The following SGCZ variants were observed in gnomAD, a reference collection of about 807,000 sequenced individuals.
SGCZ encodes the protein sarcoglycan zeta.
In SGCZ, 40 loss-of-function variants were observed where a neutral mutation model predicts 41.3. The ratio of observed to expected loss-of-function variants is 0.97; its 90% CI spans 0.75 to 1.26. The LOEUF (loss-of-function observed/expected upper bound fraction) is 1.26. Ranked by LOEUF, SGCZ falls within the 50% of genes most tolerant of loss-of-function variation. The pLI is 0.00. For missense variants in SGCZ, 552 were observed against 369.8 expected (o/e 1.49, Z -4.04); for synonymous variants, 206 against 137.5 (o/e 1.50, Z -3.49).
At chr8:14,733,646 A>C (rs1004672953) in intron 1 of SGCZ, among the ~76,000 whole-genome samples, 3 of 152,210 alleles carry the variant, frequency 2.0e-5, no homozygotes, top group African/African-American at 2.4e-5. Flanking sequence ...GAATCACTGC[A>C]CTTGTAATTA....
intron 5 of SGCZ, among the ~76,000 whole-genome samples, chr8:14,117,347 A>G (rs1453077822): frequency 3.6e-5 from 3 of 82,694 alleles, no homozygotes; most frequent in African/African-American, 1.2e-4. Context: ...AATATTTTCA[A>G]TAGGTAGTGT....
intron 1 of SGCZ, among the ~76,000 whole-genome samples, chr8:14,995,364 C>G (rs1020179365): frequency 1.3e-5 from 2 of 152,184 alleles, no homozygotes; most frequent in African/African-American, 2.4e-5. Context: ...GAAAGTAAAA[C>G]TCCATTAATG....
At chr8:15,135,983 G>T (rs1006492135) in intron 1 of SGCZ, among the ~76,000 whole-genome samples, 1 of 152,078 alleles carries the variant, frequency 6.6e-6, no homozygotes, top group Non-Finnish European at 1.5e-5. Flanking sequence ...TTTAAAAAAC[G>T]GTGGTAACTT....
intron 2 of SGCZ, among the ~76,000 whole-genome samples, chr8:14,552,216 C>T (rs1311763090): frequency 1.3e-5 from 2 of 152,010 alleles, no homozygotes; most frequent in East Asian, 3.9e-4. Flanking sequence ...AAGACGATTA[C>T]AAATTATTTC....
At chr8:15,155,550 G>A (rs368027328) in intron 1 of SGCZ, among the ~76,000 whole-genome samples, 5 of 152,062 alleles carry the variant, frequency 3.3e-5, no homozygotes, top group African/African-American at 9.7e-5. Context: ...CAATGTATAC[G>A]AAACCAGCCA....
chr8:14,573,914 T>C (rs889245395), intron 1 of SGCZ, among the ~76,000 whole-genome samples: 1 of 151,996 alleles, frequency 6.6e-6, no homozygotes, highest in Non-Finnish European at 1.5e-5. Context: ...CTTTAAGCCA[T>C]AGAAGGGAGC....
At chr8:14,702,754 TA>T (rs1400859134) in intron 1 of SGCZ, among the ~76,000 whole-genome samples, 1 of 130,084 alleles carries the variant, frequency 7.7e-6, no homozygotes, top group Non-Finnish European at 1.8e-5. Flanking sequence ...GATAGATAGA[TA>T]GATAGATAGA....
chr8:14,461,312 C>A (rs1800895651), intron 2 of SGCZ, among the ~76,000 whole-genome samples: 3 of 152,128 alleles, frequency 2.0e-5, no homozygotes, highest in African/African-American at 7.2e-5. Context: ...TTAGTTTTAG[C>A]ATTCTGTTCT....
At chr8:14,453,081 C>T (rs1800641660) in intron 2 of SGCZ, among the ~76,000 whole-genome samples, 2 of 152,008 alleles carry the variant, frequency 1.3e-5, no homozygotes, top group Admixed American at 6.6e-5. Flanking sequence ...GAACTCTAGC[C>T]TGGGTGACAG....
chr8:15,009,778 T>C (rs1802762376), intron 1 of SGCZ, among the ~76,000 whole-genome samples: 3 of 152,152 alleles, frequency 2.0e-5, no homozygotes, highest in African/African-American at 2.4e-5. Context: ...AACGCAAAAT[T>C]TGAATGACCT....
At chr8:14,899,937 C>G (rs1316033088) in intron 1 of SGCZ, among the ~76,000 whole-genome samples, 1 of 152,058 alleles carries the variant, frequency 6.6e-6, no homozygotes, top group East Asian at 1.9e-4. Flanking sequence ...AGCTGGTGAC[C>G]TGTACGTAGT....
intron 7 of SGCZ, 74 bp downstream of exon 7, chr8:14,102,302 T>C (rs1802054854): frequency 7.7e-7 from 1 of 1,299,612 alleles, no homozygotes; most frequent in African/African-American, 1.5e-5. Context: ...AAGTCAATTA[T>C]AAATAGGACA....
chr8:14,982,617 TTC>T (rs1039691181), intron 1 of SGCZ, among the ~76,000 whole-genome samples: 3 of 152,202 alleles, frequency 2.0e-5, no homozygotes, highest in African/African-American at 7.2e-5. Flanking sequence ...CCTATTTAAC[TTC>T]TGAGACTATT....
rs566042963 is a variant in SGCZ at position 15,131,372 on chromosome 8, T to C, written c.39+106213A>G. Among the ~76,000 whole-genome samples the C allele has an allele frequency of 3.9e-5, 6 of 152,324 alleles. No individual in the cohort carries two copies. The South Asian group carries it at 1.2e-3, about 32-fold the overall frequency. ...CTCTTGCCTGCCGCCATGTGAGACA[T>C]GCCTTTCACTTTCTACGATGATTGT... On this transcript the variant is annotated intron_variant, in intron 1 of 7. Coordinates refer to ENST00000382080, the MANE Select transcript of SGCZ (RefSeq NM_139167.4).
intron 1 of SGCZ, among the ~76,000 whole-genome samples, chr8:14,927,534 G>A (rs1056932070): frequency 7.5e-6 from 1 of 133,686 alleles, no homozygotes; most frequent in African/African-American, 2.6e-5. Flanking sequence ...GCAAGAAGAA[G>A]GAAGAGGAAG....
At chr8:14,423,605 A>G (rs778598680) in intron 2 of SGCZ, among the ~76,000 whole-genome samples, 8 of 152,062 alleles carry the variant, frequency 5.3e-5, no homozygotes, top group Non-Finnish European at 1.2e-4. Context: ...TAGTAGAGAC[A>G]GGGTTTCTCC....
chr8:14,859,114 T>C (rs1021921388), intron 1 of SGCZ, among the ~76,000 whole-genome samples: 4 of 152,170 alleles, frequency 2.6e-5, no homozygotes, highest in Non-Finnish European at 5.9e-5. Flanking sequence ...AGAAGTCCTT[T>C]TCCTGAAGAC....
chr8:14,402,060 G>A (rs1799092549), intron 2 of SGCZ, among the ~76,000 whole-genome samples: 1 of 152,168 alleles, frequency 6.6e-6, no homozygotes, highest in South Asian at 2.1e-4. Context: ...ATTTTCTCAT[G>A]TGTTTTTAGG....
intron 1 of SGCZ, among the ~76,000 whole-genome samples, chr8:15,195,005 T>C (rs1416261744): frequency 1.3e-5 from 2 of 152,210 alleles, no homozygotes; most frequent in African/African-American, 4.8e-5. Context: ...TATTTTAGAA[T>C]AAAATTCCCA....
Sources: gnomAD v4.1 joint callset for allele counts (sites outside exome capture counted in the v4.1 genomes callset) on GRCh38, gnomAD v4.1.1 for gene constraint, MANE v1.5 for transcripts, NCBI Gene and HGNC (gene_info 2026-07-23, HGNC 2026-07-21) for gene names.